The following RIMKLB variants were observed in gnomAD, a reference collection of about 807,000 sequenced individuals.
RIMKLB encodes ribosomal modification protein rimK like family member B, also known as beta-citrylglutamate synthase B.
RIMKLB carries 7 observed loss-of-function variants against 32.0 expected under a neutral mutation model. The observed-to-expected ratio is 0.22, with a 90% CI of 0.12 to 0.41. RIMKLB has a LOEUF of 0.41. Ranked by LOEUF, RIMKLB falls within the 10% of genes least tolerant of loss-of-function variation. RIMKLB has a pLI of 1.00. For synonymous variants in RIMKLB, 172 were observed against 185.1 expected, an observed-to-expected ratio of 0.93 and a Z score of 0.57; for missense variants, 289 against 498.7, an observed-to-expected ratio of 0.58 and a Z score of 4.00.
rs1378669251 is a variant in RIMKLB, at chr12:8,753,881, C to A, written c.494-9C>A. On this transcript the variant is annotated splice_polypyrimidine_tract_variant and intron_variant, in intron 4 of 5. Coordinates refer to ENST00000535829, the MANE Select transcript of RIMKLB (RefSeq NM_001297776.2). ...ACTTAACATGTATTTTTATTCTTTT[C>A]AATCATAGGTAAAGCTGTTTTCTTG... The A allele has an allele frequency of 6.2e-7, 1 of 1,610,098 alleles. No individual in the cohort carries two copies. The highest frequency in any genetic ancestry group is 2.2e-5 in the East Asian group (1 of 44,838).
chr12:8,734,414 C>T (rs1170594493), intron 2 of RIMKLB, among the ~76,000 whole-genome samples: 2 of 152,142 alleles, frequency 1.3e-5, no homozygotes, highest in East Asian at 1.9e-4. Flanking sequence ...GACCTATTGA[C>T]GCTTAGAAAG....
intron 5 of RIMKLB, among the ~76,000 whole-genome samples, chr12:8,771,095 A>C (rs902434936): frequency 6.6e-6 from 1 of 152,194 alleles, no homozygotes; most frequent in African/African-American, 2.4e-5. Context: ...GCTATCCAGA[A>C]GTTTTCTGAA....
chr12:8,718,657 A>ATGTGTGTGTGTGTGTGTG (rs1394689486), intron 2 of RIMKLB, among the ~76,000 whole-genome samples: 2 of 133,538 alleles, frequency 1.5e-5, no homozygotes, highest in Admixed American at 7.2e-5. Context: ...CTCTCTCTAT[A>ATGTGTGTGTGTGTGTGTG]TATATATATA....
chr12:8,694,462 G>A (rs750063894), upstream of RIMKLB, among the ~76,000 whole-genome samples: 14 of 132,172 alleles, frequency 1.1e-4, no homozygotes, highest in South Asian at 3.4e-3. Flanking sequence ...CTGGCCCAAT[G>A]TTGGCTTGCT....
intron 2 of RIMKLB, among the ~76,000 whole-genome samples, chr12:8,723,102 T>G (rs60973867): frequency 0.011 from 1,693 of 152,372 alleles, 26 homozygotes; most frequent in African/African-American, 0.039. Flanking sequence ...TGTCTAACTT[T>G]GGCACAAGAG....
At chr12:8,760,222 C>T (rs1486315677) in intron 5 of RIMKLB, among the ~76,000 whole-genome samples, 1 of 152,062 alleles carries the variant, frequency 6.6e-6, no homozygotes, top group Non-Finnish European at 1.5e-5. Context: ...CGATAGTTTG[C>T]TGAGAATGAT....
chr12:8,722,329 G>C (rs1945531071), intron 2 of RIMKLB, among the ~76,000 whole-genome samples: 1 of 152,018 alleles, frequency 6.6e-6, no homozygotes, highest in South Asian at 2.1e-4. Context: ...AGAGCTCTTG[G>C]GTGACCAGGT....
At chr12:8,673,745 G>A in the RIMKLB span, among the ~76,000 whole-genome samples, 1 of 151,934 alleles carries the variant, frequency 6.6e-6, no homozygotes, top group South Asian at 2.1e-4. Context: ...ACAGGTGCGT[G>A]CCACCATGCC....
intron 1 of RIMKLB, among the ~76,000 whole-genome samples, chr12:8,705,890 GT>G (rs1943832332): frequency 6.6e-6 from 1 of 152,086 alleles, no homozygotes; most frequent in Non-Finnish European, 1.5e-5. Flanking sequence ...TTCCTCCTCA[GT>G]TTTTACTTTT....
At chr12:8,693,791 A>G (rs765692402), upstream of RIMKLB, among the ~76,000 whole-genome samples, 2 of 152,244 alleles carry the variant, frequency 1.3e-5, no homozygotes, top group African/African-American at 2.4e-5. Context: ...CCAAATGGAT[A>G]GTTAATTCTA....
intron 5 of RIMKLB, among the ~76,000 whole-genome samples, chr12:8,768,724 A>T (rs1237565468): frequency 6.6e-6 from 1 of 152,138 alleles, no homozygotes; most frequent in Non-Finnish European, 1.5e-5. Context: ...CTTCTGTAAT[A>T]ATTGCCCTGT....
At chr12:8,756,684 CTTTTT>C (rs145312687) in intron 5 of RIMKLB, among the ~76,000 whole-genome samples, 7 of 90,982 alleles carry the variant, frequency 7.7e-5, no homozygotes, top group African/African-American at 2.2e-4. Flanking sequence ...TTACTTTCTA[CTTTTT>C]TTTTTTTTTT....
At chr12:8,676,541 G>A in the RIMKLB span, among the ~76,000 whole-genome samples, 453 of 151,212 alleles carry the variant, frequency 3.0e-3, 3 homozygotes, top group African/African-American at 0.01. Context: ...CAGGACTACG[G>A]GTGTGCACCA....
At chr12:8,744,584 G>A (rs1266784186) in intron 2 of RIMKLB, among the ~76,000 whole-genome samples, 2 of 151,314 alleles carry the variant, frequency 1.3e-5, no homozygotes, top group Non-Finnish European at 2.9e-5. Flanking sequence ...TTCATTTAAT[G>A]GTTTTGATTG....
chr12:8,755,442 A>G (rs1948945001), intron 5 of RIMKLB, among the ~76,000 whole-genome samples: 1 of 152,018 alleles, frequency 6.6e-6, no homozygotes, highest in South Asian at 2.1e-4. Context: ...TCTGATTTAG[A>G]CCCAAATCCT....
At chr12:8,707,118 A>G (rs1166703115) in intron 1 of RIMKLB, among the ~76,000 whole-genome samples, 1 of 152,166 alleles carries the variant, frequency 6.6e-6, no homozygotes, top group Admixed American at 6.5e-5. Flanking sequence ...AGATCCACTG[A>G]TGGAGATTTC....
intron 2 of RIMKLB, among the ~76,000 whole-genome samples, chr12:8,728,763 T>TTGTGTGTGTG (rs375795748): frequency 8.7e-5 from 13 of 149,598 alleles, no homozygotes; most frequent in African/African-American, 2.9e-4. Flanking sequence ...GCTCTGCTAA[T>TTGTGTGTGTG]TGTGTGTGTG....
intron 5 of RIMKLB, among the ~76,000 whole-genome samples, chr12:8,768,553 C>T (rs1354403060): frequency 6.6e-6 from 1 of 152,120 alleles, no homozygotes; most frequent in Non-Finnish European, 1.5e-5. Context: ...TAAGGTTATG[C>T]TGGCTTTATT....
intron 2 of RIMKLB, among the ~76,000 whole-genome samples, chr12:8,714,384 A>G (rs1565565367): frequency 6.6e-6 from 1 of 152,212 alleles, no homozygotes. Context: ...TTTCTTAAAA[A>G]TAAAAGTAAA....
Sources: allele counts gnomAD v4.1 joint callset (sites outside exome capture counted in the v4.1 genomes callset), GRCh38; gene constraint gnomAD v4.1.1; transcripts MANE v1.5; gene names NCBI Gene and HGNC (gene_info 2026-07-23, HGNC 2026-07-21).